Variants in ELAVL3 observed in about 807,000 individuals in gnomAD.
ELAVL3 encodes ELAV like RNA binding protein 3, also known as ELAV-like protein 3.
Under a neutral mutation model 34.2 loss-of-function variants are expected in ELAVL3, and 8 were observed. The ratio of observed to expected loss-of-function variants is 0.23; its 90% CI spans 0.14 to 0.42. ELAVL3 has a LOEUF of 0.42. Ranked by LOEUF, ELAVL3 falls within the 10% of genes least tolerant of loss-of-function variation. The probability of loss-of-function intolerance (pLI) is 1.00; values close to 1 mark genes in which losing one functional copy is unlikely to be tolerated. For synonymous variants in ELAVL3, 209 were observed against 222.1 expected (o/e 0.94, Z 0.53); for missense variants, 273 against 518.8 (o/e 0.53, Z 4.60).
Position 11,454,703 on chromosome 19 carries a change from T to C in ELAVL3, c.927A>G (p.Ala309=), listed in dbSNP as rs1049783848. 3 of 1,614,184 alleles carry C rather than the reference T, an allele frequency of 1.9e-6. No homozygotes were observed. The highest frequency in any genetic ancestry group is 2.5e-6 in the Non-Finnish European group (3 of 1,180,016). ...VLWQLFGPFG[A]VTNVKVIRDF... ...CACGGATGACCTTGACGTTGGTGACTGCCCCAAAAGGCCCGAACAGCTGCC... is the reference window on the plus strand; with the variant it reads ...CACGGATGACCTTGACGTTGGTGACCGCCCCAAAAGGCCCGAACAGCTGCC... The change falls in exon 7 of 7, where the codon GCA becomes GCG. Residue 309 remains alanine, a synonymous_variant. Coordinates refer to ENST00000359227, the MANE Select transcript of ELAVL3 (RefSeq NM_001420.4). The surrounding 1 kb of genome is among the most constrained non-coding windows in gnomAD (Gnocchi z 9.2).
rs573444276 is a variant in ELAVL3 at position 11,467,212 on chromosome 19, C to T, written c.10-385G>A. 1.6e-4 allele frequency among the ~76,000 whole-genome samples: 25 copies of T among 152,124 alleles called. 1 individual carries two copies. The highest frequency in any genetic ancestry group is 5.9e-4 in the Admixed American group (9 of 15,274). ...CTGAGGCGGGCGGATCACCTGAGGTCGGGAGTTCGAGACCAGCCAGACCAA... is the reference window on the plus strand; with the variant it reads ...CTGAGGCGGGCGGATCACCTGAGGTTGGGAGTTCGAGACCAGCCAGACCAA... On this transcript the variant is annotated intron_variant, in intron 1 of 6. Transcript: ENST00000359227.
chr19:11,454,234 A>C lies in ELAVL3; in HGVS notation c.*292T>G. On this transcript the variant is annotated 3_prime_UTR_variant, in exon 7 of 7. Transcript: ENST00000359227. This position sits in a 1 kb window ranked among gnomAD's most constrained non-coding sequence, Gnocchi z 9.2. ...TCTCTGCATTCTTTTTAGCCGAAAAAAGAAACAAAAACCTTCACCATGAAC... is the reference window on the plus strand; with the variant it reads ...TCTCTGCATTCTTTTTAGCCGAAAACAGAAACAAAAACCTTCACCATGAAC... 1 of 361,910 alleles carries C rather than the reference A, an allele frequency of 2.8e-6. No homozygotes were observed. 22.4% of individuals were successfully genotyped at this position (361,910 alleles called of 1,614,324 possible).
intron 6 of ELAVL3, among the ~76,000 whole-genome samples, chr19:11,455,898 T>A (rs533181962): frequency 6.6e-6 from 1 of 152,160 alleles, no homozygotes; most frequent in Non-Finnish European, 1.5e-5. Flanking sequence ...AATCCCGCCC[T>A]TGGATTAAAC....
intron 6 of ELAVL3, among the ~76,000 whole-genome samples, chr19:11,455,301 T>A (rs950115671): frequency 5.6e-5 from 7 of 125,642 alleles, no homozygotes; most frequent in African/African-American, 2.9e-4. Flanking sequence ...CCCCACTAAT[T>A]TTTTTTTTTT....
chr19:11,454,879 T>C lies in ELAVL3; in HGVS notation c.753-2A>G. 6.3e-7 allele frequency: 1 copy of C among 1,594,264 alleles called. No individual in the cohort carries two copies. The highest frequency in any genetic ancestry group is 8.5e-7 in the Non-Finnish European group (1 of 1,174,642). ...AACCTGGCGATGAGCGACAGGGGAC[T>C]ACTTTGGGGGTCACGCGGGCTCTGC... On this transcript the variant is annotated splice_acceptor_variant, in intron 6 of 6. Transcript: ENST00000359227. LOFTEE classifies it high-confidence loss of function. This position sits in a 1 kb window ranked among gnomAD's most constrained non-coding sequence, Gnocchi z 9.2.
intron 3 of ELAVL3, among the ~76,000 whole-genome samples, chr19:11,464,147 C>CTATATATA (rs1157072664): frequency 2.9e-5 from 3 of 104,100 alleles, no homozygotes; most frequent in Admixed American, 9.9e-5. Flanking sequence ...CTCTCTCTCT[C>CTATATATA]TCTCTATATA....
rs945149656 is a variant in ELAVL3, at chr19:11,454,288, A to T, written c.*238T>A. 1.7e-5 allele frequency: 9 copies of T among 538,352 alleles called. 1 individual carries two copies. The highest frequency in any genetic ancestry group is 8.0e-5 in the South Asian group (3 of 37,488). 33.3% of individuals were successfully genotyped at this position (538,352 alleles called of 1,614,324 possible). On this transcript the variant is annotated 3_prime_UTR_variant, in exon 7 of 7. Transcript: ENST00000359227. The surrounding 1 kb of genome is among the most constrained non-coding windows in gnomAD (Gnocchi z 9.2). ...ACCAAGACGAGAGAGTGAACAGCCC[A>T]GCCTGGGGTGGGGGCAGGAGGATGG... is the stretch of plus-strand genomic sequence containing the variant.
At position 11,451,609 on chromosome 19, in the gene ELAVL3, C is replaced by G. The variant is rs906921133; in HGVS notation, c.*2917G>C. ...AAGGGAGGGGTGGAGGGGCTGAGCCCCCTCCCCCCTGGCCTGGCCCCTGCC... is the reference window on the plus strand; with the variant it reads ...AAGGGAGGGGTGGAGGGGCTGAGCCGCCTCCCCCCTGGCCTGGCCCCTGCC... On this transcript the variant is annotated 3_prime_UTR_variant, in exon 7 of 7. Transcript: ENST00000359227. 3.3e-5 allele frequency: 5 copies of G among 151,600 alleles called. No individual in the cohort carries two copies. Among genetic ancestry groups the G allele is most frequent in the African/African-American group, 1.2e-4 (5 of 41,404 alleles). 9.4% of individuals were successfully genotyped at this position (151,600 alleles called of 1,614,324 possible).
chr19:11,474,578 G>A (rs1048560592), intron 1 of ELAVL3, among the ~76,000 whole-genome samples: 93 of 151,844 alleles, frequency 6.1e-4, no homozygotes, highest in African/African-American at 2.1e-3. Flanking sequence ...ACCAGCCTGG[G>A]TGACAGAGTG....
chr19:11,474,576 G>T (rs1971228970), intron 1 of ELAVL3, among the ~76,000 whole-genome samples: 1 of 151,664 alleles, frequency 6.6e-6, no homozygotes, highest in South Asian at 2.1e-4. Flanking sequence ...ACACCAGCCT[G>T]GGTGACAGAG....
rs1445773955 is a variant in ELAVL3, at chr19:11,452,416, T to C, written c.*2110A>G. 2 of 149,566 alleles carry C rather than the reference T, an allele frequency of 1.3e-5. No individual in the cohort carries two copies. The highest frequency in any genetic ancestry group is 1.3e-4 in the Admixed American group (2 of 15,034). The allele number at this position is 149,566 out of a possible 1,614,324, so 9.3% of individuals were successfully genotyped here. On this transcript the variant is annotated 3_prime_UTR_variant, in exon 7 of 7. Coordinates refer to ENST00000359227, the MANE Select transcript of ELAVL3 (RefSeq NM_001420.4). ...AGTTAACATAGCAATAAGTTAAAAC[T>C]ACAAGAAGCTAAATTCAGCAAAAAA...
At chr19:11,479,282 G>C (rs529891702) in intron 1 of ELAVL3, among the ~76,000 whole-genome samples, 1 of 152,118 alleles carries the variant, frequency 6.6e-6, no homozygotes, top group Admixed American at 6.5e-5. Context: ...CCAGGCCTCC[G>C]GGACCTCATT....
rs776194455 is a variant in ELAVL3, at chr19:11,458,439, C to G, written c.487+19G>C. The G allele has an allele frequency of 6.2e-6, 10 of 1,613,844 alleles. No individual in the cohort carries two copies. Among genetic ancestry groups the G allele is most frequent in the African/African-American group, 1.3e-5 (1 of 75,058 alleles). Reference sequence around the variant, plus strand: ...TTGCCCAGCGCCCCCGCCAGGTGCACCCTCCCTGACTGCCTGACCTGTGAC... The same window carrying G: ...TTGCCCAGCGCCCCCGCCAGGTGCAGCCTCCCTGACTGCCTGACCTGTGAC... On this transcript the variant is annotated intron_variant, in intron 4 of 6. Transcript: ENST00000359227. This position sits in a 1 kb window ranked among gnomAD's most constrained non-coding sequence, Gnocchi z 7.3.
chr19:11,461,187 AAAAGAG>A (rs1483335261), intron 3 of ELAVL3, among the ~76,000 whole-genome samples: 4 of 152,082 alleles, frequency 2.6e-5, no homozygotes, highest in Non-Finnish European at 4.4e-5. Flanking sequence ...TCTAAAAAAA[AAAAGAG>A]AAAAAGATGG....
chr19:11,472,773 GAGA>G (rs1422168867), intron 1 of ELAVL3, among the ~76,000 whole-genome samples: 1 of 151,888 alleles, frequency 6.6e-6, no homozygotes, highest in African/African-American at 2.4e-5. Context: ...AAAGGAGAAG[GAGA>G]AGAAGAAGCC....
At chr19:11,465,426 C>T (rs1226122757) in intron 3 of ELAVL3, among the ~76,000 whole-genome samples, 1 of 152,088 alleles carries the variant, frequency 6.6e-6, no homozygotes, top group African/African-American at 2.4e-5. Context: ...TCACTGGGGT[C>T]TGGGGTCCTC....
rs1245121578 is a variant in ELAVL3 at position 11,458,055 on chromosome 19, G to T, written c.713+6C>A. On this transcript the variant is annotated splice_donor_region_variant and intron_variant, in intron 5 of 6. Transcript: ENST00000359227. This position sits in a 1 kb window ranked among gnomAD's most constrained non-coding sequence, Gnocchi z 7.3. The stretch of plus-strand genomic sequence containing the variant: ...CCTGGGGCCATCTGGCTGGCAGGGG[G>T]CTCACCGGAAACGCTGGGTCTGATG... 1.2e-6 allele frequency: 2 copies of T among 1,610,252 alleles called. No homozygotes were observed. Among genetic ancestry groups the T allele is most frequent in the African/African-American group, 1.3e-5 (1 of 74,912 alleles).
At chr19:11,465,334 C>CCACACACACATGCGTA (rs1410089562) in intron 3 of ELAVL3, among the ~76,000 whole-genome samples, 1 of 148,368 alleles carries the variant, frequency 6.7e-6, no homozygotes, top group South Asian at 2.1e-4. Context: ...TGCACACACA[C>CCACACACACATGCGTA]CACACACACA....
At chr19:11,477,514 A>G (rs1971283914) in intron 1 of ELAVL3, among the ~76,000 whole-genome samples, 1 of 152,002 alleles carries the variant, frequency 6.6e-6, no homozygotes, top group Non-Finnish European at 1.5e-5. Context: ...TTAGCCTCCC[A>G]AAGTGCTGAG....
Sources: allele counts gnomAD v4.1 joint callset (sites outside exome capture counted in the v4.1 genomes callset), GRCh38; gene constraint gnomAD v4.1.1; non-coding constraint Gnocchi (gnomAD v3.1); transcripts MANE v1.5; gene names NCBI Gene and HGNC (gene_info 2026-07-23, HGNC 2026-07-21).